The following RCAN2 variants were observed in gnomAD, a reference collection of about 807,000 sequenced individuals.
RCAN2 encodes the protein calcipressin-2.
In RCAN2, 9 loss-of-function variants were observed where a neutral mutation model predicts 23.6. That is an observed-to-expected ratio of 0.38 (90% CI 0.23 to 0.67). The LOEUF is 0.67. Among genes scored for constraint, RCAN2 ranks in the 30% least tolerant of loss-of-function variants. The probability of loss-of-function intolerance (pLI) is 0.51; values close to 1 mark genes in which losing one functional copy is unlikely to be tolerated. For synonymous variants in RCAN2, 109 were observed against 115.7 expected (o/e 0.94, Z 0.37); for missense variants, 273 against 302.3 (o/e 0.90, Z 0.72).
chr6:46,466,080 C>T (rs1768372012), intron 1 of RCAN2, among the ~76,000 whole-genome samples: 1 of 152,116 alleles, frequency 6.6e-6, no homozygotes, highest in Non-Finnish European at 1.5e-5. Flanking sequence ...TCAGACGCCC[C>T]ACCTGGAGAC....
Position 46,389,137 on chromosome 6 carries a change from A to G in RCAN2, c.225+67615T>C, listed in dbSNP as rs78200343. Among the ~76,000 whole-genome samples the G allele has an allele frequency of 4.0e-3, 606 of 152,152 alleles. 3 individuals are homozygous for G. The highest frequency in any genetic ancestry group is 0.014 in the African/African-American group (576 of 41,512). The stretch of plus-strand genomic sequence containing the variant: ...AATACTATCCTAATTATTTAAAAGA[A>G]AAAAAAATAGTTTCAGAGGCTTCCT... On this transcript the variant is annotated intron_variant, in intron 2 of 4. Transcript: ENST00000371374.
chr6:46,473,635 T>C (rs1768630246), intron 1 of RCAN2, among the ~76,000 whole-genome samples: 1 of 152,230 alleles, frequency 6.6e-6, no homozygotes, highest in Non-Finnish European at 1.5e-5. Context: ...AGTATTTTCA[T>C]AGAGAAAACT....
rs1765121294 is a variant in RCAN2, at chr6:46,364,867, G to C, written c.225+91885C>G. Among the ~76,000 whole-genome samples, 6 of 152,090 alleles carry C rather than the reference G, an allele frequency of 3.9e-5. No individual in the cohort carries two copies. In the South Asian group the frequency reaches 1.2e-3, roughly 32 times the overall value. The stretch of plus-strand genomic sequence containing the variant: ...TAACATTCTCCCTCTCGCTCACTTT[G>C]CACCAGCCACACTGGCTTCTTTGCT... On this transcript the variant is annotated intron_variant, in intron 2 of 4. Transcript: ENST00000371374.
chr6:46,341,473 T>C (rs1187693571), intron 2 of RCAN2, among the ~76,000 whole-genome samples: 2 of 152,210 alleles, frequency 1.3e-5, no homozygotes, highest in Non-Finnish European at 2.9e-5. Flanking sequence ...TTCAAAGCTG[T>C]CCTGGGCCAT....
At chr6:46,265,268 T>C (rs1178605322) in intron 2 of RCAN2, among the ~76,000 whole-genome samples, 1 of 152,180 alleles carries the variant, frequency 6.6e-6, no homozygotes, top group Admixed American at 6.5e-5. Flanking sequence ...CTTGGTTTCC[T>C]CCGTGTGTGT....
At chr6:46,362,294 C>T (rs758208582) in intron 2 of RCAN2, among the ~76,000 whole-genome samples, 14 of 151,694 alleles carry the variant, frequency 9.2e-5, no homozygotes, top group Non-Finnish European at 1.6e-4. Context: ...GTTTGGATGT[C>T]GTTTAAGAGA....
chr6:46,362,231 GA>G (rs1384207479), intron 2 of RCAN2, among the ~76,000 whole-genome samples: 3 of 151,974 alleles, frequency 2.0e-5, no homozygotes, highest in Admixed American at 6.6e-5. Flanking sequence ...TTTAAGTAGG[GA>G]AAAAAATATC....
At chr6:46,332,014 T>C (rs1457883460) in intron 2 of RCAN2, among the ~76,000 whole-genome samples, 1 of 152,224 alleles carries the variant, frequency 6.6e-6, no homozygotes. Flanking sequence ...GTTATTTTTG[T>C]CCTTAGAGTA....
At chr6:46,427,906 A>T (rs1350559917) in intron 2 of RCAN2, among the ~76,000 whole-genome samples, 5 of 152,240 alleles carry the variant, frequency 3.3e-5, no homozygotes, top group Non-Finnish European at 1.5e-5. Flanking sequence ...TACAGGATGA[A>T]TCTGTTATGG....
At chr6:46,486,012 C>T (rs1030624542) in intron 1 of RCAN2, among the ~76,000 whole-genome samples, 5 of 152,198 alleles carry the variant, frequency 3.3e-5, no homozygotes, top group African/African-American at 1.2e-4. Context: ...ACCAGGCCCA[C>T]CTATAATTGA....
At chr6:46,436,284 C>T (rs1199469501) in intron 2 of RCAN2, among the ~76,000 whole-genome samples, 1 of 152,250 alleles carries the variant, frequency 6.6e-6, no homozygotes, top group Non-Finnish European at 1.5e-5. Context: ...ACAATCTCGG[C>T]TCACTGCAAC....
intron 2 of RCAN2, among the ~76,000 whole-genome samples, chr6:46,388,901 C>G (rs558212728): frequency 6.6e-6 from 1 of 152,140 alleles, no homozygotes; most frequent in South Asian, 2.1e-4. Flanking sequence ...CACCATGGCA[C>G]GCGTATACCT....
intron 2 of RCAN2, among the ~76,000 whole-genome samples, chr6:46,402,337 G>C (rs769641347): frequency 5.3e-5 from 8 of 152,048 alleles, no homozygotes; most frequent in Non-Finnish European, 8.8e-5. Flanking sequence ...TACCCCGAAG[G>C]GAAGGCCTCT....
chr6:46,467,896 C>T (rs1323914306), intron 1 of RCAN2, among the ~76,000 whole-genome samples: 1 of 152,194 alleles, frequency 6.6e-6, no homozygotes, highest in Non-Finnish European at 1.5e-5. Flanking sequence ...GAAATCCCAG[C>T]TCCTCAGCAT....
chr6:46,390,518 C>A (rs9381447), intron 2 of RCAN2, among the ~76,000 whole-genome samples: 2 of 152,026 alleles, frequency 1.3e-5, no homozygotes, highest in African/African-American at 4.8e-5. Flanking sequence ...ACATTTGGAA[C>A]TTTCCTACGT....
intron 2 of RCAN2, among the ~76,000 whole-genome samples, chr6:46,353,502 A>G (rs1764725799): frequency 6.6e-6 from 1 of 152,174 alleles, no homozygotes; most frequent in Non-Finnish European, 1.5e-5. Flanking sequence ...TTTATCCCAG[A>G]TAAGAAGAAA....
intron 2 of RCAN2, among the ~76,000 whole-genome samples, chr6:46,271,742 C>A (rs901547160): frequency 6.6e-6 from 1 of 152,166 alleles, no homozygotes; most frequent in South Asian, 2.1e-4. Flanking sequence ...TTCCCTTACT[C>A]GTGGTAGTGG....
chr6:46,237,853 G>A (rs56303994), intron 4 of RCAN2, among the ~76,000 whole-genome samples: 388 of 152,266 alleles, frequency 2.5e-3, no homozygotes, highest in Non-Finnish European at 3.6e-3. Flanking sequence ...AGAGGCCCAC[G>A]TTAAGAAGAA....
intron 2 of RCAN2, among the ~76,000 whole-genome samples, chr6:46,349,451 G>A (rs1012977954): frequency 6.6e-6 from 1 of 151,962 alleles, no homozygotes; most frequent in South Asian, 2.1e-4. Flanking sequence ...AGGAAAAATC[G>A]CTAATGCATT....
Sources: allele counts gnomAD v4.1 joint callset (sites outside exome capture counted in the v4.1 genomes callset), GRCh38; gene constraint gnomAD v4.1.1; transcripts MANE v1.5; gene names NCBI Gene and HGNC (gene_info 2026-07-23, HGNC 2026-07-21).